Variants in CD59 observed in about 807,000 individuals in gnomAD.
CD59 encodes CD59 molecule (CD59 blood group), also known as CD59 glycoprotein.
Under a neutral mutation model 7.0 loss-of-function variants are expected in CD59, and 3 were observed. That is an observed-to-expected ratio of 0.43 (90% confidence interval 0.19 to 1.10). The LOEUF is 1.10. Among genes scored for constraint, CD59 ranks in the 50% least tolerant of loss-of-function variants. The pLI, the probability that CD59 is intolerant of heterozygous loss-of-function variation, is 0.29. For synonymous variants in CD59, 60 were observed against 62.0 expected, an observed-to-expected ratio of 0.97 and a Z score of 0.15; for missense variants, 143 against 151.0, an observed-to-expected ratio of 0.95 and a Z score of 0.28.
At chr11:33,728,597 G>C (rs1385761296) in intron 1 of CD59, among the ~76,000 whole-genome samples, 1 of 152,134 alleles carries the variant, frequency 6.6e-6, no homozygotes, top group African/African-American at 2.4e-5. Context: ...ATACCATTCA[G>C]GACATAGGCA....
At chr11:33,728,602 T>C (rs1590543403) in intron 1 of CD59, among the ~76,000 whole-genome samples, 2 of 152,296 alleles carry the variant, frequency 1.3e-5, no homozygotes, top group East Asian at 1.9e-4. Flanking sequence ...ATTCAGGACA[T>C]AGGCATGGAC....
At chr11:33,730,591 A>G (rs1233701018) in intron 1 of CD59, among the ~76,000 whole-genome samples, 2 of 152,180 alleles carry the variant, frequency 1.3e-5, no homozygotes, top group African/African-American at 4.8e-5. Context: ...AGTGAGCTCA[A>G]GTGTTGCAAG....
At chr11:33,735,940 C>T (rs1399588341) in intron 1 of CD59, among the ~76,000 whole-genome samples, 1 of 151,906 alleles carries the variant, frequency 6.6e-6, no homozygotes, top group East Asian at 1.9e-4. Context: ...CCGTTTCGCC[C>T]GACACCTGCT....
At chr11:33,715,770 TG>T (rs1273497330) in intron 3 of CD59, among the ~76,000 whole-genome samples, 1 of 152,224 alleles carries the variant, frequency 6.6e-6, no homozygotes, top group East Asian at 1.9e-4. Context: ...AAAAAGATCT[TG>T]GCTTTGACCT....
intron 2 of CD59, chr11:33,718,911 T>C (rs1315682779): frequency 6.6e-6 from 1 of 152,262 alleles, no homozygotes; most frequent in Non-Finnish European, 1.5e-5. Flanking sequence ...CTGGTTTGTA[T>C]GGATACCCCC....
intron 3 of CD59, among the ~76,000 whole-genome samples, chr11:33,716,902 G>C (rs962095763): frequency 1.3e-5 from 2 of 152,234 alleles, no homozygotes; most frequent in African/African-American, 4.8e-5. Context: ...GAATGAGACA[G>C]AGGCATATAT....
In CD59 at chr11:33,725,997, T is replaced by C. The variant is rs1209963273; in HGVS notation, c.-18-3534A>G. ...AAGAGCTAACTATCCTAAATATATA[T>C]GCACCCAACACAGGAGCACCTAGAC... is the stretch of plus-strand genomic sequence containing the variant. On this transcript the variant is annotated intron_variant, in intron 1 of 3. Coordinates refer to ENST00000642928, the MANE Select transcript of CD59 (RefSeq NM_000611.6). Among the ~76,000 whole-genome samples, 4 of 152,186 alleles carry C rather than the reference T, an allele frequency of 2.6e-5. No individual in the cohort carries two copies. In the East Asian group the frequency reaches 5.8e-4, roughly 22 times the overall value.
rs1446514297 is a variant in CD59 at position 33,704,186 on chromosome 11, A to G, written c.*5940T>C. ...ACATGTAGTGGTTGTGTCTTGGAATACAAGAGTTGTGCCTGAATCTGGGAC... is the reference window on the plus strand; with the variant it reads ...ACATGTAGTGGTTGTGTCTTGGAATGCAAGAGTTGTGCCTGAATCTGGGAC... On this transcript the variant is annotated 3_prime_UTR_variant, in exon 4 of 4. Coordinates refer to ENST00000642928, the MANE Select transcript of CD59 (RefSeq NM_000611.6). 2.6e-5 allele frequency: 4 copies of G among 151,936 alleles called. No individual in the cohort carries two copies. Among genetic ancestry groups the G allele is most frequent in the African/African-American group, 9.7e-5 (4 of 41,170 alleles). The allele number at this position is 151,936 out of a possible 1,614,324, so 9.4% of individuals were successfully genotyped here. A position where few individuals can be genotyped will look rare whatever the true frequency, so the allele number is the denominator to read the frequency against.
chr11:33,705,932 C>T lies in CD59; in HGVS notation c.*4194G>A, dbSNP rs1244682782. 2 of 152,040 alleles carry T rather than the reference C, an allele frequency of 1.3e-5. No individual in the cohort carries two copies. The highest frequency in any genetic ancestry group is 4.8e-5 in the African/African-American group (2 of 41,386). 9.4% of individuals were successfully genotyped at this position (152,040 alleles called of 1,614,324 possible). A position where few individuals can be genotyped will look rare whatever the true frequency, so the allele number is the denominator to read the frequency against. ...TGGGTGGGGCTATTGAGAGTCAGCACCAGCACTGATCATATATAGGATCAG... is the reference window on the plus strand; with the variant it reads ...TGGGTGGGGCTATTGAGAGTCAGCATCAGCACTGATCATATATAGGATCAG... On this transcript the variant is annotated 3_prime_UTR_variant, in exon 4 of 4. Coordinates refer to ENST00000642928, the MANE Select transcript of CD59 (RefSeq NM_000611.6).
At chr11:33,717,657 G>A (rs770442698) in intron 2 of CD59, 186 bp from the exon 3 acceptor site, 3 of 606,778 alleles carry the variant, frequency 4.9e-6, no homozygotes, top group Non-Finnish European at 9.0e-6. Flanking sequence ...TTTGGACCCT[G>A]ATGCAAGCAC....
At position 33,726,901 on chromosome 11, in the gene CD59, C is replaced by T. The variant is rs147856375; in HGVS notation, c.-18-4438G>A. Among the ~76,000 whole-genome samples the T allele has an allele frequency of 3.9e-3, 596 of 152,230 alleles. 2 individuals carry two copies. The highest frequency in any genetic ancestry group is 0.013 in the African/African-American group (551 of 41,540). ...TCAGAGAATACTGTAAACACTTCTA[C>T]GCAAATAAACTAGAAAATCTAGAAG... On this transcript the variant is annotated intron_variant, in intron 1 of 3. Transcript: ENST00000642928.
chr11:33,732,503 G>A (rs1364886778), intron 1 of CD59, among the ~76,000 whole-genome samples: 5 of 152,126 alleles, frequency 3.3e-5, no homozygotes, highest in South Asian at 4.1e-4. Context: ...AAAGAACTGC[G>A]AGCCAATTAA....
Position 33,717,382 on chromosome 11 carries a change from T to C in CD59, c.157A>G (p.Ile53Val). The change falls in exon 3 of 4, where the codon ATT (isoleucine) becomes GTT (valine). Residue 53 changes from isoleucine (I) to valine (V), a missense_variant. Ile to Val is a conservative substitution (Grantham distance 29). Transcript: ENST00000642928. ...NCSSDFDACL[I>V]TKAGLQVYNK... is the part of the protein sequence containing the mutation. ...GGGAGGCTCTTACCAGCTTTGGTAA[T>C]GAGACACGCATCAAAATCAGATGAA... 6.2e-7 allele frequency: 1 copy of C among 1,610,292 alleles called. No individual in the cohort carries two copies. Among genetic ancestry groups the C allele is most frequent in the East Asian group, 2.2e-5 (1 of 44,856 alleles).
At chr11:33,727,730 T>C (rs564867438) in intron 1 of CD59, among the ~76,000 whole-genome samples, 1 of 152,124 alleles carries the variant, frequency 6.6e-6, no homozygotes, top group Non-Finnish European at 1.5e-5. Context: ...GGAAGTCAAA[T>C]TGTCTGTTTG....
At position 33,708,140 on chromosome 11, in the gene CD59, T is replaced by G. The variant is rs948701879; in HGVS notation, c.*1986A>C. On this transcript the variant is annotated 3_prime_UTR_variant, in exon 4 of 4. Coordinates refer to ENST00000642928, the MANE Select transcript of CD59 (RefSeq NM_000611.6). ...CCTAGTACTATAAATGTCTTTACAT[T>G]ACAGTATTGCCTTTGGGTCCAGGCA... 7.2e-5 allele frequency: 11 copies of G among 152,154 alleles called. No individual in the cohort carries two copies. Among genetic ancestry groups the G allele is most frequent in the Admixed American group, 7.2e-4 (11 of 15,278 alleles). 9.4% of individuals were successfully genotyped at this position (152,154 alleles called of 1,614,324 possible).
At chr11:33,722,351 A>G (rs1854105906) in intron 2 of CD59, 28 bp downstream of exon 2, 2 of 1,533,704 alleles carry the variant, frequency 1.3e-6, no homozygotes, top group Non-Finnish European at 1.8e-6. Flanking sequence ...GGCAGCCTAG[A>G]TCCATGTCCT....
At position 33,708,988 on chromosome 11, in the gene CD59, G is replaced by A. The variant is rs970081245; in HGVS notation, c.*1138C>T. ...GATCATAAAATACAAATGTCATTAG[G>A]TCTACTGAATCTTGAGATTCATTCA... On this transcript the variant is annotated 3_prime_UTR_variant, in exon 4 of 4. Transcript: ENST00000642928. 2.0e-5 allele frequency: 3 copies of A among 152,098 alleles called. No homozygotes were observed. The highest frequency in any genetic ancestry group is 2.9e-5 in the Non-Finnish European group (2 of 68,036). 9.4% of individuals were successfully genotyped at this position (152,098 alleles called of 1,614,324 possible).
chr11:33,713,732 C>T (rs1186925350), intron 3 of CD59, among the ~76,000 whole-genome samples: 1 of 152,176 alleles, frequency 6.6e-6, no homozygotes, highest in Non-Finnish European at 1.5e-5. Flanking sequence ...TAATTGCTAC[C>T]AATTAATCAT....
At chr11:33,727,450 A>G (rs987421460) in intron 1 of CD59, among the ~76,000 whole-genome samples, 4 of 152,246 alleles carry the variant, frequency 2.6e-5, no homozygotes, top group Non-Finnish European at 4.4e-5. Context: ...GACACAGAAA[A>G]CGCCTTCAAC....
Sources: gnomAD v4.1 joint callset for allele counts (sites outside exome capture counted in the v4.1 genomes callset) on GRCh38, gnomAD v4.1.1 for gene constraint, MANE v1.5 for transcripts, NCBI Gene and HGNC (gene_info 2026-07-23, HGNC 2026-07-21) for gene names.